HYDIN: variants seen among roughly 807,000 people sequenced by gnomAD.
The protein encoded by HYDIN is axonemal central pair apparatus protein HYDIN.
A neutral mutation model predicts 403.9 loss-of-function variants in HYDIN; 132 were observed. That is an observed-to-expected ratio of 0.33 (90% CI 0.28 to 0.38). HYDIN has a LOEUF of 0.38. Among genes scored for constraint, HYDIN ranks in the 10% least tolerant of loss-of-function variants. The pLI is 1.00. For missense variants in HYDIN, 2,827 were observed against 5,009.5 expected, an observed-to-expected ratio of 0.56 and a Z score of 13.15; for synonymous variants, 1,202 against 1,891.7, an observed-to-expected ratio of 0.64 and a Z score of 9.46.
At chr16:70,842,957 T>G (rs2037930350) in intron 75 of HYDIN, among the ~76,000 whole-genome samples, 1 of 151,986 alleles carries the variant, frequency 6.6e-6, no homozygotes, top group Non-Finnish European at 1.5e-5. Flanking sequence ...AGATTACAAT[T>G]AACATCTACA....
intron 75 of HYDIN, among the ~76,000 whole-genome samples, chr16:70,846,197 C>G (rs995483095): frequency 2.8e-5 from 4 of 145,280 alleles, no homozygotes; most frequent in Non-Finnish European, 6.0e-5. Context: ...AAATTTCCCT[C>G]TACACACTGC....
chr16:70,831,391 T>G (rs2036973820), intron 80 of HYDIN, among the ~76,000 whole-genome samples: 1 of 148,704 alleles, frequency 6.7e-6, no homozygotes, highest in Admixed American at 6.7e-5. Context: ...GGGCCTGTAA[T>G]TCCAGCTACT....
intron 1 of HYDIN, among the ~76,000 whole-genome samples, chr16:71,210,129 T>G (rs2088506689): frequency 6.6e-6 from 1 of 152,188 alleles, no homozygotes; most frequent in African/African-American, 2.4e-5. Context: ...AAAAGAGAAC[T>G]ACCATTCAAC....
rs1232439119 is a variant in HYDIN, at chr16:70,892,559, G to A, written c.9249-30C>T. ...AAGACAAGAATAAGAAGTCAGCCTA[G>A]GTCATTATCCCGGGAACTCAAGATC... On this transcript the variant is annotated intron_variant, in intron 55 of 85. Transcript: ENST00000393567. 1.9e-6 allele frequency: 3 copies of A among 1,593,124 alleles called. No individual in the cohort carries two copies. In the South Asian group the frequency reaches 3.4e-5, roughly 18 times the overall value.
intron 6 of HYDIN, among the ~76,000 whole-genome samples, chr16:71,158,731 G>C (rs1180576948): frequency 6.7e-6 from 1 of 149,448 alleles, no homozygotes; most frequent in African/African-American, 2.5e-5. Context: ...ACCCAGGCTG[G>C]AGTGCAGTGG....
chr16:71,145,860 A>T (rs1249796675), intron 7 of HYDIN, among the ~76,000 whole-genome samples: 1 of 152,102 alleles, frequency 6.6e-6, no homozygotes, highest in East Asian at 1.9e-4. Context: ...TGGGTGAGCC[A>T]CTTAATTTCT....
At chr16:71,041,806 T>C (rs1045341456) in intron 18 of HYDIN, among the ~76,000 whole-genome samples, 3 of 151,538 alleles carry the variant, frequency 2.0e-5, no homozygotes, top group Admixed American at 6.6e-5. Context: ...GAGACACACA[T>C]ATATATTTAT....
intron 8 of HYDIN, among the ~76,000 whole-genome samples, chr16:71,135,187 T>A (rs1476958354): frequency 6.6e-6 from 1 of 151,804 alleles, no homozygotes; most frequent in Admixed American, 6.6e-5. Flanking sequence ...TACAAAGAAG[T>A]TGCCAGAAGA....
chr16:71,208,583 T>C (rs535623637), intron 1 of HYDIN, among the ~76,000 whole-genome samples: 1 of 151,900 alleles, frequency 6.6e-6, no homozygotes, highest in Admixed American at 6.6e-5. Flanking sequence ...GATAGAGATA[T>C]TAAAAAAATA....
Position 71,222,385 on chromosome 16 carries a change from A to C in HYDIN, c.-24+8177T>G, listed in dbSNP as rs181508841. Reference sequence around the variant, plus strand: ...CAAACCCACAGCCAACATCATACTGAATGCAGAAAAGTTGAAAGCCTTCCC... The same window carrying C: ...CAAACCCACAGCCAACATCATACTGCATGCAGAAAAGTTGAAAGCCTTCCC... On this transcript the variant is annotated intron_variant, in intron 1 of 85. Coordinates refer to ENST00000393567, the MANE Select transcript of HYDIN (RefSeq NM_001270974.2). 3.3e-5 allele frequency among the ~76,000 whole-genome samples: 5 copies of C among 152,290 alleles called. No homozygotes were observed. In the East Asian group the frequency reaches 9.6e-4, roughly 29 times the overall value.
chr16:71,041,404 T>C (rs6416711), intron 18 of HYDIN, among the ~76,000 whole-genome samples: 2 of 151,176 alleles, frequency 1.3e-5, no homozygotes, highest in Admixed American at 6.6e-5. Flanking sequence ...AGAAAACAAT[T>C]ACAGATGTCA....
chr16:70,981,375 C>A lies in HYDIN; in HGVS notation c.4510+16G>T. 1 of 1,607,972 alleles carries A rather than the reference C, an allele frequency of 6.2e-7. No individual in the cohort carries two copies. Among genetic ancestry groups the A allele is most frequent in the Non-Finnish European group, 8.5e-7 (1 of 1,177,080 alleles). ...TTTTGTCCCCAGTGGGGAACTACTC[C>A]AGTGTGAAGTACTACCTGTGAGGTT... is the stretch of plus-strand genomic sequence containing the variant. On this transcript the variant is annotated intron_variant, in intron 29 of 85. Transcript: ENST00000393567.
chr16:71,043,465 T>A, intron 18 of HYDIN, among the ~76,000 whole-genome samples: 1 of 141,548 alleles, frequency 7.1e-6, no homozygotes, highest in Non-Finnish European at 1.6e-5. Context: ...GTCTTTCTCC[T>A]AATCTTTTTC....
chr16:70,966,743 G>A (rs1265223918), intron 36 of HYDIN, among the ~76,000 whole-genome samples: 2 of 152,078 alleles, frequency 1.3e-5, no homozygotes, highest in African/African-American at 4.8e-5. Flanking sequence ...ACGAATGTTT[G>A]AATACTCAGA....
In HYDIN at chr16:70,818,400, T is replaced by G; in HGVS notation, c.14600A>C (p.Glu4867Ala). Residue 4867 changes from glutamate to alanine, a missense_variant, in exon 84 of 86, where the codon GAA (glutamate) becomes GCA (alanine). Coordinates refer to ENST00000393567, the MANE Select transcript of HYDIN (RefSeq NM_001270974.2). ...CAGGGCGATGTCGGGCATCCGGCATTCCGTGGAGAAGGTCACCGAGTAGGG... is the reference window on the plus strand; with the variant it reads ...CAGGGCGATGTCGGGCATCCGGCATGCCGTGGAGAAGGTCACCGAGTAGGG... ...PLPYSVTFST[E>A]CRMPDIALPS... 6.2e-7 allele frequency: 1 copy of G among 1,613,740 alleles called. No individual in the cohort carries two copies. Among genetic ancestry groups the G allele is most frequent in the South Asian group, 1.1e-5 (1 of 90,988 alleles).
At chr16:71,205,162 A>G (rs1361896913) in intron 1 of HYDIN, among the ~76,000 whole-genome samples, 1 of 152,234 alleles carries the variant, frequency 6.6e-6, no homozygotes, top group Non-Finnish European at 1.5e-5. Context: ...GAAGGAGCTC[A>G]TGTGTGCCAC....
At chr16:70,916,662 T>G (rs568512967) in intron 47 of HYDIN, among the ~76,000 whole-genome samples, 2 of 152,204 alleles carry the variant, frequency 1.3e-5, no homozygotes, top group South Asian at 2.1e-4. Context: ...CTGCCTCCTG[T>G]CTGCCATGAT....
intron 18 of HYDIN, among the ~76,000 whole-genome samples, chr16:71,059,130 G>A (rs2144263515): frequency 6.6e-6 from 1 of 152,264 alleles, no homozygotes. Context: ...CTTTTGCTGT[G>A]CTGAAGCTCT....
At chr16:71,227,133 A>G (rs1251524729) in intron 1 of HYDIN, among the ~76,000 whole-genome samples, 7 of 150,960 alleles carry the variant, frequency 4.6e-5, no homozygotes, top group African/African-American at 1.7e-4. Flanking sequence ...ATATATATGT[A>G]TATATATATG....
Sources: allele counts gnomAD v4.1 joint callset (sites outside exome capture counted in the v4.1 genomes callset), GRCh38; gene constraint gnomAD v4.1.1; transcripts MANE v1.5; gene names NCBI Gene and HGNC (gene_info 2026-07-23, HGNC 2026-07-21).